Variants in TGS1 observed in about 807,000 individuals in gnomAD.
TGS1 encodes trimethylguanosine synthase.
A neutral mutation model predicts 92.2 loss-of-function variants in TGS1; 69 were observed. That is an observed-to-expected ratio of 0.75 (90% confidence interval 0.62 to 0.91). The LOEUF (loss-of-function observed/expected upper bound fraction) is 0.91. TGS1 is among the 40% of genes least tolerant of loss of function. TGS1 has a pLI of 0.00. For synonymous variants in TGS1, 345 were observed against 338.1 expected, an observed-to-expected ratio of 1.02 and a Z score of -0.22; for missense variants, 1,062 against 1,001.2, an observed-to-expected ratio of 1.06 and a Z score of -0.82.
intron 1 of TGS1, 123 bp downstream of exon 1, chr8:55,773,842 G>A (rs1197986329): frequency 1.3e-6 from 1 of 746,998 alleles, no homozygotes; most frequent in African/African-American, 1.8e-5. Context: ...TGGGCACGGT[G>A]ATGTTTAAGA....
chr8:55,813,563 T>C (rs1803393845), intron 12 of TGS1, among the ~76,000 whole-genome samples: 1 of 152,272 alleles, frequency 6.6e-6, no homozygotes, highest in African/African-American at 2.4e-5. Context: ...GAAAATCTTT[T>C]ATCTTTCATA....
chr8:55,809,770 T>C (rs1803290590), intron 10 of TGS1, among the ~76,000 whole-genome samples: 1 of 152,242 alleles, frequency 6.6e-6, no homozygotes, highest in African/African-American at 2.4e-5. Context: ...AATGCTTCCA[T>C]TCTTATTAGG....
chr8:55,783,128 G>A (rs946628437), intron 2 of TGS1, among the ~76,000 whole-genome samples: 1 of 152,052 alleles, frequency 6.6e-6, no homozygotes, highest in Non-Finnish European at 1.5e-5. Context: ...TAGGGAATAT[G>A]TGGTTTCTGG....
intron 2 of TGS1, among the ~76,000 whole-genome samples, chr8:55,784,211 T>C (rs1300173166): frequency 6.6e-6 from 1 of 152,224 alleles, no homozygotes; most frequent in African/African-American, 2.4e-5. Flanking sequence ...AGCACTTGAA[T>C]GGCATATGTT....
intron 2 of TGS1, among the ~76,000 whole-genome samples, chr8:55,783,952 C>T (rs1308351133): frequency 2.0e-5 from 3 of 152,178 alleles, no homozygotes; most frequent in Non-Finnish European, 4.4e-5. Flanking sequence ...TTGCTGTCTC[C>T]TGAGCTTTCG....
intron 4 of TGS1, among the ~76,000 whole-genome samples, chr8:55,789,003 T>C (rs1811800157): frequency 6.6e-6 from 1 of 152,194 alleles, no homozygotes; most frequent in South Asian, 2.1e-4. Context: ...CTTACGTTTA[T>C]AGATTGTCCA....
chr8:55,779,745 G>C (rs1811507891), intron 1 of TGS1, among the ~76,000 whole-genome samples: 1 of 152,026 alleles, frequency 6.6e-6, no homozygotes, highest in African/African-American at 2.4e-5. Flanking sequence ...TACACAATTG[G>C]ATTTGAATCA....
Position 55,786,499 on chromosome 8 carries a change from T to C in TGS1, c.601T>C (p.Tyr201His), listed in dbSNP as rs1008258362. The C allele has an allele frequency of 2.5e-6, 4 of 1,613,990 alleles. No individual in the cohort carries two copies. The African/African-American group carries it at 5.3e-5, about 22-fold the overall frequency. ...KLEITEKWEK[Y>H]WNEYGGGLLW... ...AGAAATTACAGAGAAATGGGAAAAG[T>C]ATTGGAATGAATATGGAGGAGGACT... Residue 201 changes from tyrosine to histidine, a missense_variant, in exon 4 of 13, where the codon TAT becomes CAT. By Grantham distance (83) the Tyr-to-His change is moderately conservative. Transcript: ENST00000260129.
chr8:55,805,435 A>T (rs1360323083), intron 10 of TGS1, among the ~76,000 whole-genome samples: 5 of 152,254 alleles, frequency 3.3e-5, no homozygotes, highest in Admixed American at 2.6e-4. Flanking sequence ...AGTTTGTTTT[A>T]TCATTTACTA....
chr8:55,789,970 C>A, intron 4 of TGS1: 2 of 447,902 alleles, frequency 4.5e-6, no homozygotes, highest in Non-Finnish European at 8.1e-6. Context: ...CAGTTTTAGG[C>A]TAAATTTAAT....
chr8:55,803,980 T>C (rs886542931), intron 9 of TGS1, among the ~76,000 whole-genome samples: 4 of 152,122 alleles, frequency 2.6e-5, no homozygotes, highest in African/African-American at 9.7e-5. Context: ...TTCTGAAAAA[T>C]GTAAATTTTT....
chr8:55,782,573 A>G (rs1404942747), intron 1 of TGS1, among the ~76,000 whole-genome samples, 175 bp from the exon 2 acceptor site: 2 of 152,116 alleles, frequency 1.3e-5, no homozygotes, highest in Non-Finnish European at 2.9e-5. Flanking sequence ...CCTTACAACA[A>G]CTCCATGACA....
In TGS1 at chr8:55,826,242, A is replaced by G. The variant is rs570197693; in HGVS notation, c.*1539A>G. On this transcript the variant is annotated 3_prime_UTR_variant, in exon 13 of 13. Coordinates refer to ENST00000260129, the MANE Select transcript of TGS1 (RefSeq NM_024831.8). ...AATTTTTTTTAGTTTTTTGTCACTT[A>G]ACCTTTCTTGCATATACTTCTTTCC... Among the ~76,000 whole-genome samples, 2 of 152,204 alleles carry G rather than the reference A, an allele frequency of 1.3e-5. No individual in the cohort carries two copies. Among genetic ancestry groups the G allele is most frequent in the Admixed American group, 1.3e-4 (2 of 15,266 alleles).
At position 55,825,976 on chromosome 8, in the gene TGS1, G is replaced by A. The variant is rs1377287523; in HGVS notation, c.*1273G>A. Among the ~76,000 whole-genome samples, 5 of 151,034 alleles carry A rather than the reference G, an allele frequency of 3.3e-5. No individual in the cohort carries two copies. The highest frequency in any genetic ancestry group is 5.9e-5 in the Non-Finnish European group (4 of 67,900). On this transcript the variant is annotated 3_prime_UTR_variant, in exon 13 of 13. Coordinates refer to ENST00000260129, the MANE Select transcript of TGS1 (RefSeq NM_024831.8). ...CCTCCACCTCCTACCTCAGCCTCCCGAGTAGCTGGGACTACAGGCACCTGC... is the reference window on the plus strand; with the variant it reads ...CCTCCACCTCCTACCTCAGCCTCCCAAGTAGCTGGGACTACAGGCACCTGC...
At chr8:55,781,458 A>C (rs948331618) in intron 1 of TGS1, among the ~76,000 whole-genome samples, 1 of 152,242 alleles carries the variant, frequency 6.6e-6, no homozygotes, top group Non-Finnish European at 1.5e-5. Flanking sequence ...CTTGGCTAAC[A>C]TTATCTTCAA....
intron 8 of TGS1, among the ~76,000 whole-genome samples, chr8:55,799,870 A>G (rs918316002): frequency 2.6e-5 from 4 of 152,106 alleles, no homozygotes; most frequent in Admixed American, 2.6e-4. Context: ...CACCATGCTC[A>G]GGCTGGTTTC....
rs757637807 is a variant in TGS1, at chr8:55,792,692, A to G, written c.1281-6A>G. On this transcript the variant is annotated splice_region_variant and splice_polypyrimidine_tract_variant and intron_variant, in intron 5 of 12. Transcript: ENST00000260129. ...GCTTATCACTGTTTACCTTTTCTTT[A>G]TTTAGCCATGAACTGGACATTGATG... 5 of 1,609,190 alleles carry G rather than the reference A, an allele frequency of 3.1e-6. No homozygotes were observed. The highest frequency in any genetic ancestry group is 3.4e-6 in the Non-Finnish European group (4 of 1,175,888).
intron 12 of TGS1, among the ~76,000 whole-genome samples, chr8:55,814,361 C>T (rs1803415672): frequency 6.6e-6 from 1 of 152,094 alleles, no homozygotes; most frequent in South Asian, 2.1e-4. Context: ...TTGTAATGTT[C>T]TCCAGAGTTG....
At chr8:55,806,071 G>T (rs1290860444) in intron 10 of TGS1, among the ~76,000 whole-genome samples, 1 of 150,254 alleles carries the variant, frequency 6.7e-6, no homozygotes, top group East Asian at 2.0e-4. Flanking sequence ...AAAAAAATTT[G>T]TAGGCCGGGC....
Sources: gnomAD v4.1 joint callset for allele counts (sites outside exome capture counted in the v4.1 genomes callset) on GRCh38, gnomAD v4.1.1 for gene constraint, MANE v1.5 for transcripts, NCBI Gene and HGNC (gene_info 2026-07-23, HGNC 2026-07-21) for gene names.